NDST4: variants seen among roughly 807,000 people sequenced by gnomAD.
The protein encoded by NDST4 is N-deacetylase and N-sulfotransferase 4.
A neutral mutation model predicts 100.8 loss-of-function variants in NDST4; 63 were observed. That is an observed-to-expected ratio of 0.62 (90% CI 0.51 to 0.77). The LOEUF is 0.77. Among genes scored for constraint, NDST4 ranks in the 30% least tolerant of loss-of-function variants. The pLI is 0.00. For synonymous variants in NDST4, 377 were observed against 361.8 expected, an observed-to-expected ratio of 1.04 and a Z score of -0.48; for missense variants, 943 against 1,018.4, an observed-to-expected ratio of 0.93 and a Z score of 1.01.
chr4:115,101,670 G>C (rs1729732486), intron 1 of NDST4, among the ~76,000 whole-genome samples: 2 of 152,126 alleles, frequency 1.3e-5, no homozygotes, highest in Admixed American at 6.6e-5. Flanking sequence ...AAGCAGTCCA[G>C]TGGTATAGTG....
Position 115,101,810 on chromosome 4 carries a change from T to C in NDST4, c.-247+11634A>G, listed in dbSNP as rs545926186. ...AAAACTTTCTGTCATGAGGAATATA[T>C]GCTTATTAGCAGGTGAGAACTCTGT... On this transcript the variant is annotated intron_variant, in intron 1 of 13. Transcript: ENST00000264363. Among the ~76,000 whole-genome samples, 18 of 152,256 alleles carry C rather than the reference T, an allele frequency of 1.2e-4. No homozygotes were observed. In the East Asian group the frequency reaches 3.5e-3, roughly 29 times the overall value.
intron 7 of NDST4, among the ~76,000 whole-genome samples, chr4:114,861,364 A>G (rs1723913916): frequency 6.6e-6 from 1 of 152,218 alleles, no homozygotes; most frequent in African/African-American, 2.4e-5. Flanking sequence ...ACAGCATTAT[A>G]TGTTATTTAA....
intron 4 of NDST4, among the ~76,000 whole-genome samples, chr4:114,950,041 G>A (rs1490098389): frequency 6.6e-6 from 1 of 151,996 alleles, no homozygotes; most frequent in Non-Finnish European, 1.5e-5. Flanking sequence ...TTAGGAACAC[G>A]GGGAGGTGAG....
chr4:115,093,416 A>G (rs917801167), intron 1 of NDST4, among the ~76,000 whole-genome samples: 18 of 152,094 alleles, frequency 1.2e-4, no homozygotes, highest in Admixed American at 1.0e-3. Context: ...CAGAGCTTGT[A>G]GTGAGCTGAG....
chr4:115,094,868 T>C (rs1317624581), intron 1 of NDST4, among the ~76,000 whole-genome samples: 1 of 74,356 alleles, frequency 1.3e-5, no homozygotes, highest in Non-Finnish European at 2.6e-5. Flanking sequence ...GGCCCTGTTG[T>C]CACTTTGATC....
chr4:114,855,031 A>G (rs1449149601), intron 7 of NDST4, among the ~76,000 whole-genome samples: 2 of 152,176 alleles, frequency 1.3e-5, no homozygotes, highest in African/African-American at 2.4e-5. Flanking sequence ...CTGATGATCA[A>G]TGATGTTGAG....
At chr4:115,055,033 C>T (rs1398522555) in intron 2 of NDST4, among the ~76,000 whole-genome samples, 1 of 152,004 alleles carries the variant, frequency 6.6e-6, no homozygotes, top group African/African-American at 2.4e-5. Context: ...CATTATCACC[C>T]GAGCGCCACA....
intron 1 of NDST4, among the ~76,000 whole-genome samples, chr4:115,100,566 A>G (rs1310536226): frequency 6.6e-6 from 1 of 152,082 alleles, no homozygotes; most frequent in African/African-American, 2.4e-5. Flanking sequence ...CTACTATTAC[A>G]CATGCACAGT....
chr4:114,892,371 A>G (rs552731351), intron 6 of NDST4, among the ~76,000 whole-genome samples: 2 of 152,148 alleles, frequency 1.3e-5, no homozygotes, highest in Non-Finnish European at 2.9e-5. Flanking sequence ...TATACTGTGC[A>G]TGCAGAAAAG....
At chr4:115,048,606 G>T (rs1386840402) in intron 2 of NDST4, among the ~76,000 whole-genome samples, 1 of 151,876 alleles carries the variant, frequency 6.6e-6, no homozygotes, top group Non-Finnish European at 1.5e-5. Context: ...ATTTTTGTGC[G>T]TGCAGCAAAA....
chr4:115,003,776 G>A (rs1727350853), intron 2 of NDST4, among the ~76,000 whole-genome samples: 1 of 151,950 alleles, frequency 6.6e-6, no homozygotes, highest in Admixed American at 6.6e-5. Flanking sequence ...GCTGAGGCAG[G>A]AGAATTGCTT....
At chr4:114,898,394 A>G (rs1724762605) in intron 6 of NDST4, among the ~76,000 whole-genome samples, 1 of 152,108 alleles carries the variant, frequency 6.6e-6, no homozygotes, top group South Asian at 2.1e-4. Flanking sequence ...TGGATTTTCT[A>G]CTATCTTCCA....
At chr4:115,054,256 C>T (rs947695943) in intron 2 of NDST4, among the ~76,000 whole-genome samples, 1 of 152,040 alleles carries the variant, frequency 6.6e-6, no homozygotes, top group Non-Finnish European at 1.5e-5. Flanking sequence ...CTGTATCTAT[C>T]ATGAGGCAAG....
intron 1 of NDST4, among the ~76,000 whole-genome samples, chr4:115,103,751 C>T (rs1190051293): frequency 6.6e-6 from 1 of 152,022 alleles, no homozygotes; most frequent in East Asian, 1.9e-4. Flanking sequence ...TGGCCATAAA[C>T]CAGAAATAAT....
chr4:115,032,709 T>C (rs1052812738), intron 2 of NDST4, among the ~76,000 whole-genome samples: 1 of 152,118 alleles, frequency 6.6e-6, no homozygotes, highest in Non-Finnish European at 1.5e-5. Flanking sequence ...CATTTATTAC[T>C]GTCTTCTGAC....
chr4:114,852,121 C>T (rs1394196088), intron 8 of NDST4, among the ~76,000 whole-genome samples: 2 of 152,174 alleles, frequency 1.3e-5, no homozygotes, highest in Non-Finnish European at 2.9e-5. Context: ...GAAATGCTTT[C>T]ACTCTCTTTT....
intron 6 of NDST4, among the ~76,000 whole-genome samples, chr4:114,911,291 C>A (rs1725056553): frequency 6.6e-6 from 1 of 151,632 alleles, no homozygotes; most frequent in Admixed American, 6.6e-5. Flanking sequence ...TTAAACATGC[C>A]AAACAATTCT....
At chr4:114,970,080 A>C (rs917902472) in intron 4 of NDST4, among the ~76,000 whole-genome samples, 1 of 152,068 alleles carries the variant, frequency 6.6e-6, no homozygotes, top group African/African-American at 2.4e-5. Context: ...TTAAGCAATA[A>C]ATTATTTTTG....
At chr4:114,982,727 C>A (rs1472407231) in intron 2 of NDST4, among the ~76,000 whole-genome samples, 1 of 152,148 alleles carries the variant, frequency 6.6e-6, no homozygotes, top group African/African-American at 2.4e-5. Context: ...TCAAGAGGAG[C>A]CAAATGTTAA....
Sources: gnomAD v4.1 joint callset for allele counts (sites outside exome capture counted in the v4.1 genomes callset) on GRCh38, gnomAD v4.1.1 for gene constraint, MANE v1.5 for transcripts, NCBI Gene and HGNC (gene_info 2026-07-23, HGNC 2026-07-21) for gene names.